Variants in CADM4 observed in about 807,000 individuals in gnomAD.
CADM4 encodes TSLC1-like 2.
A neutral mutation model predicts 43.9 loss-of-function variants in CADM4; 13 were observed. The observed-to-expected ratio is 0.30, with a 90% CI of 0.19 to 0.47. CADM4 has a LOEUF of 0.47. Among genes scored for constraint, CADM4 ranks in the 20% least tolerant of loss-of-function variants. The probability of loss-of-function intolerance (pLI) is 1.00; values close to 1 mark genes in which losing one functional copy is unlikely to be tolerated. For missense variants in CADM4, 420 were observed against 527.0 expected (o/e 0.80, Z 1.99); for synonymous variants, 209 against 220.9 (o/e 0.95, Z 0.48).
At chr19:43,624,607 C>A (rs1382696906) in intron 7 of CADM4, among the ~76,000 whole-genome samples, 1 of 152,198 alleles carries the variant, frequency 6.6e-6, no homozygotes, top group Non-Finnish European at 1.5e-5. Context: ...ACCCAGCCAT[C>A]CCTTTTCTTT....
rs767836833 is a variant in CADM4, at chr19:43,626,758, C to T, written c.499+26G>A. 5 of 1,544,464 alleles carry T rather than the reference C, an allele frequency of 3.2e-6. No homozygotes were observed. The East Asian group carries it at 1.2e-4, about 36-fold the overall frequency. On this transcript the variant is annotated intron_variant, in intron 4 of 8. Transcript: ENST00000222374. This position sits in a 1 kb window ranked among gnomAD's most constrained non-coding sequence, Gnocchi z 5.9. The stretch of plus-strand genomic sequence containing the variant: ...TCCTAAGTCCCACCTCCTCCCCATC[C>T]CTTGTCAGCACTCGGCCCAGGGTAC...
Position 43,626,899 on chromosome 19 carries a change from C to G in CADM4, c.384G>C (p.Val128=). ...CTACCGCCTGCTCCCGGACCTCCACCACAGGATTCTCTGGGGCCACTGCCG... is the reference window on the plus strand; with the variant it reads ...CTACCGCCTGCTCCCGGACCTCCACGACAGGATTCTCTGGGGCCACTGCCG... The part of the protein sequence containing the change: ...LTVLVAPENP[V]VEVREQAVEG... Residue 128 remains valine, a synonymous_variant, in exon 4 of 9, where the codon GTG becomes GTC. Transcript: ENST00000222374. This position sits in a 1 kb window ranked among gnomAD's most constrained non-coding sequence, Gnocchi z 5.9. The G allele has an allele frequency of 1.2e-6, 2 of 1,604,206 alleles. No individual in the cohort carries two copies. The highest frequency in any genetic ancestry group is 4.5e-5 in the East Asian group (2 of 44,592).
In CADM4 at chr19:43,639,808, C is replaced by CGCCGCCGCT. The variant is rs1973751814; in HGVS notation, c.-27_-19dup. ...CGGCCCATGGTGCCGCCGCCGCCGC[C>CGCCGCCGCT]GCCGCCGCTCGCTCCCGGCCCGGCA... On this transcript the variant is annotated 5_prime_UTR_variant, in exon 1 of 9. Coordinates refer to ENST00000222374, the MANE Select transcript of CADM4 (RefSeq NM_145296.2). 1 of 999,988 alleles carries CGCCGCCGCT rather than the reference C, an allele frequency of 1.0e-6. No individual in the cohort carries two copies. Among genetic ancestry groups the CGCCGCCGCT allele is most frequent in the African/African-American group, 1.8e-5 (1 of 56,528 alleles). The allele number at this position is 999,988 out of a possible 1,614,324, so 61.9% of individuals were successfully genotyped here.
At chr19:43,624,010 T>G in intron 8 of CADM4, 104 bp downstream of exon 8, 1 of 1,439,360 alleles carries the variant, frequency 6.9e-7, no homozygotes, top group Non-Finnish European at 9.4e-7. Flanking sequence ...GGATTTGGAA[T>G]CCAGAGCCTA....
At chr19:43,630,606 GA>G (rs1354740495) in intron 1 of CADM4, among the ~76,000 whole-genome samples, 1 of 152,112 alleles carries the variant, frequency 6.6e-6, no homozygotes, top group Non-Finnish European at 1.5e-5. Flanking sequence ...TTATAGGTGA[GA>G]AAATTGGCCC....
At position 43,625,092 on chromosome 19, in the gene CADM4, A is replaced by C. The variant is rs1481248147; in HGVS notation, c.914T>G (p.Val305Gly). Residue 305 changes from valine (V) to glycine (G), a missense_variant, in exon 7 of 9, where the codon GTA (valine) becomes GGA (glycine). Transcript: ENST00000222374. The surrounding 1 kb of genome is among the most constrained non-coding windows in gnomAD (Gnocchi z 4.5). ...NKHGHARALY[V>G]LVVYDPGAVV... is the part of the protein sequence containing the mutation. The stretch of plus-strand genomic sequence containing the variant: ...CCTGCTCTCACCGTAGACCACAAGT[A>C]CGTAGAGCGCCCTCGCATGGCCGTG... The C allele has an allele frequency of 1.2e-6, 2 of 1,609,682 alleles. No homozygotes were observed. Among genetic ancestry groups the C allele is most frequent in the African/African-American group, 2.7e-5 (2 of 74,174 alleles).
chr19:43,634,177 G>A (rs1039372771), intron 1 of CADM4, among the ~76,000 whole-genome samples: 1 of 152,236 alleles, frequency 6.6e-6, no homozygotes, highest in Non-Finnish European at 1.5e-5. Context: ...TGCCTCATAA[G>A]GATGAGCCCC....
At position 43,624,144 on chromosome 19, in the gene CADM4, C is replaced by T. The variant is rs1973485262; in HGVS notation, c.1027G>A (p.Gly343Ser). 6 of 1,614,086 alleles carry T rather than the reference C, an allele frequency of 3.7e-6. No homozygotes were observed. The highest frequency in any genetic ancestry group is 5.1e-6 in the Non-Finnish European group (6 of 1,180,032). The change falls in exon 8 of 9, where the codon GGC (glycine) becomes AGC (serine). Residue 343 changes from glycine (G) to serine (S), a missense_variant. Physicochemically the swap from Gly to Ser is moderately conservative, Grantham distance 56. Coordinates refer to ENST00000222374, the MANE Select transcript of CADM4 (RefSeq NM_145296.2). ...TGCCGTACCGAGCACCAGACCATGC[C>T]CACTAGCACACATATGATCAGAAAC... Reference protein sequence around the residue: ...LVFLIICVLVGMVWCSVRQKG... With the variant: ...LVFLIICVLVSMVWCSVRQKG...
intron 1 of CADM4, among the ~76,000 whole-genome samples, chr19:43,632,855 C>T (rs1044197486): frequency 5.3e-5 from 8 of 151,950 alleles, no homozygotes; most frequent in Admixed American, 6.6e-5. Flanking sequence ...GAGGCCAAGG[C>T]GGGCAGATCA....
chr19:43,624,366 T>G, intron 7 of CADM4, 124 bp from the exon 8 acceptor site: 1 of 1,223,360 alleles, frequency 8.2e-7, no homozygotes, highest in Non-Finnish European at 1.1e-6. Flanking sequence ...GCCACACCCC[T>G]CAAAAATTAC....
chr19:43,638,432 T>C (rs1357335701), intron 1 of CADM4, among the ~76,000 whole-genome samples: 1 of 152,210 alleles, frequency 6.6e-6, no homozygotes, highest in African/African-American at 2.4e-5. Flanking sequence ...TTATAACTCC[T>C]CTCACCAATC....
At chr19:43,624,971 C>T (rs1973497908) in intron 7 of CADM4, 107 bp downstream of exon 7, 1 of 1,250,680 alleles carries the variant, frequency 8.0e-7, no homozygotes, top group Non-Finnish European at 1.1e-6. Flanking sequence ...ACAAAAAGAA[C>T]TCTGTTGGCT....
chr19:43,638,233 G>A (rs1184513134), intron 1 of CADM4, among the ~76,000 whole-genome samples: 5 of 152,326 alleles, frequency 3.3e-5, no homozygotes, highest in South Asian at 2.1e-4. Flanking sequence ...ACATGTAACC[G>A]CACTCAACTT....
In CADM4 at chr19:43,627,127, A is replaced by G; in HGVS notation, c.364+39T>C. ...AGGAGAAGAGAGAAGCAGAGAAGAA[A>G]GGAGGAGAGGATGCGTCTGACAAGG... On this transcript the variant is annotated intron_variant, in intron 3 of 8. Transcript: ENST00000222374. The surrounding 1 kb of genome is among the most constrained non-coding windows in gnomAD (Gnocchi z 4.0). 1 of 1,527,340 alleles carries G rather than the reference A, an allele frequency of 6.5e-7. No homozygotes were observed. The highest frequency in any genetic ancestry group is 8.8e-7 in the Non-Finnish European group (1 of 1,134,036). 94.6% of individuals were successfully genotyped at this position (1,527,340 alleles called of 1,614,324 possible).
chr19:43,623,118 G>A lies in CADM4; in HGVS notation c.*212C>T. 1.8e-6 allele frequency: 1 copy of A among 565,932 alleles called. No individual in the cohort carries two copies. The highest frequency in any genetic ancestry group is 3.2e-6 in the Non-Finnish European group (1 of 315,390). 35.1% of individuals were successfully genotyped at this position (565,932 alleles called of 1,614,324 possible). Reference sequence around the variant, plus strand: ...TCTGGACCTTTGGCCCCTGCCCCCTGGGGGACCCAGACCTCTGGGCCCTCA... The same window carrying A: ...TCTGGACCTTTGGCCCCTGCCCCCTAGGGGACCCAGACCTCTGGGCCCTCA... On this transcript the variant is annotated 3_prime_UTR_variant, in exon 9 of 9. Coordinates refer to ENST00000222374, the MANE Select transcript of CADM4 (RefSeq NM_145296.2). The surrounding 1 kb of genome is among the most constrained non-coding windows in gnomAD (Gnocchi z 4.4).
Position 43,626,836 on chromosome 19 carries a change from C to G in CADM4, c.447G>C (p.Arg149=). The G allele has an allele frequency of 6.2e-7, 1 of 1,610,782 alleles. No homozygotes were observed. Among genetic ancestry groups the G allele is most frequent in the Non-Finnish European group, 8.5e-7 (1 of 1,178,572 alleles). ...AGCGCAGGGTGGCAGCCGGACGGGA[C>G]CGCGGAACGAGGCAGCTGAGCTCCA... ...GEVELSCLVP[R]SRPAATLRWY... is the part of the protein sequence containing the mutation. The change falls in exon 4 of 9, where the codon CGG becomes CGC. Residue 149 remains arginine (R), a synonymous_variant. Transcript: ENST00000222374. The surrounding 1 kb of genome is among the most constrained non-coding windows in gnomAD (Gnocchi z 5.9).
upstream of CADM4, chr19:43,639,987 G>T: frequency 3.7e-6 from 1 of 267,878 alleles, no homozygotes; most frequent in Non-Finnish European, 5.7e-6. Context: ...TGGGGGAACG[G>T]TGCGGGGTGC....
At chr19:43,634,739 T>C (rs1330981475) in intron 1 of CADM4, among the ~76,000 whole-genome samples, 1 of 151,836 alleles carries the variant, frequency 6.6e-6, no homozygotes, top group Non-Finnish European at 1.5e-5. Context: ...AGGGAGGGTT[T>C]GGGAAAGAGT....
At position 43,625,970 on chromosome 19, in the gene CADM4, T is replaced by G. The variant is rs756541498; in HGVS notation, c.696A>C (p.Gln232His). Residue 232 changes from glutamine to histidine, a missense_variant, in exon 6 of 9, where the codon CAA becomes CAC. By Grantham distance (24) the Gln-to-His change is conservative (BLOSUM62 0). Coordinates refer to ENST00000222374, the MANE Select transcript of CADM4 (RefSeq NM_145296.2). The surrounding 1 kb of genome is among the most constrained non-coding windows in gnomAD (Gnocchi z 4.5). Reference protein sequence around the residue: ...YSPTARIHASQAVVREGDTLV... With the variant: ...YSPTARIHASHAVVREGDTLV... Reference sequence around the variant, plus strand: ...GCGTGTCTCCCTCCCTCACCACAGCTTGGGAGGCATGAATCCGGGCCGTGG... The same window carrying G: ...GCGTGTCTCCCTCCCTCACCACAGCGTGGGAGGCATGAATCCGGGCCGTGG... 12 of 1,614,064 alleles carry G rather than the reference T, an allele frequency of 7.4e-6. No homozygotes were observed. The highest frequency in any genetic ancestry group is 1.7e-5 in the Admixed American group (1 of 60,018).
Sources: gnomAD v4.1 joint callset for allele counts (sites outside exome capture counted in the v4.1 genomes callset) on GRCh38, gnomAD v4.1.1 for gene constraint, Gnocchi (gnomAD v3.1) non-coding constraint, MANE v1.5 for transcripts, NCBI Gene and HGNC (gene_info 2026-07-23, HGNC 2026-07-21) for gene names.